Variants in GRID2 observed in about 807,000 individuals in gnomAD.
The protein encoded by GRID2 is glutamate ionotropic receptor delta type subunit 2.
In GRID2, 33 loss-of-function variants were observed where a neutral mutation model predicts 114.8. That is an observed-to-expected ratio of 0.29 (90% CI 0.22 to 0.38). The LOEUF (loss-of-function observed/expected upper bound fraction) is 0.38, where lower values mean the gene tolerates loss of function less well. GRID2 is among the 10% of genes least tolerant of loss of function. The pLI is 1.00. For synonymous variants in GRID2, 505 were observed against 449.9 expected (o/e 1.12, Z -1.55); for missense variants, 1,184 against 1,257.7 (o/e 0.94, Z 0.89).
intron 7 of GRID2, among the ~76,000 whole-genome samples, chr4:93,233,160 G>C (rs1169324643): frequency 6.6e-6 from 1 of 151,950 alleles, no homozygotes; most frequent in African/African-American, 2.4e-5. Flanking sequence ...GTAGGAAAGA[G>C]AGCTTAACAC....
chr4:92,625,213 TAA>T, intron 2 of GRID2, among the ~76,000 whole-genome samples: 1 of 151,960 alleles, frequency 6.6e-6, no homozygotes, highest in African/African-American at 2.4e-5. Context: ...TTCTTTAATT[TAA>T]AAGTTTTTCA....
intron 2 of GRID2, among the ~76,000 whole-genome samples, chr4:92,854,447 A>G (rs914051702): frequency 2.0e-5 from 3 of 152,026 alleles, no homozygotes; most frequent in Admixed American, 1.3e-4. Flanking sequence ...TGAGGAACAT[A>G]GAGTGATATT....
chr4:92,929,083 A>G (rs1750038189), intron 2 of GRID2, among the ~76,000 whole-genome samples: 1 of 151,412 alleles, frequency 6.6e-6, no homozygotes, highest in Non-Finnish European at 1.5e-5. Flanking sequence ...TTTTATGTTT[A>G]TTTCATTTTC....
intron 2 of GRID2, among the ~76,000 whole-genome samples, chr4:92,883,386 T>A (rs1395433062): frequency 3.3e-5 from 5 of 152,198 alleles, no homozygotes; most frequent in Admixed American, 3.3e-4. Context: ...AAGTCATCCA[T>A]GAGGGTTGGA....
intron 1 of GRID2, among the ~76,000 whole-genome samples, chr4:92,530,819 A>G (rs2149150431): frequency 6.6e-6 from 1 of 151,802 alleles, no homozygotes; most frequent in South Asian, 2.1e-4. Flanking sequence ...AGGCAGAAGA[A>G]TCACTTGAAC....
rs199611126 is a variant in GRID2, at chr4:93,129,351, TTTTG to T, written c.735+18418_735+18421del. ...TAGCTTAATGTTGAAATACTGTTTTTTTTGTTTGTTTGTTTGTTTGTTTTTGTTG... is the reference window on the plus strand; with the variant it reads ...TAGCTTAATGTTGAAATACTGTTTTTTTTGTTTGTTTGTTTGTTTTTGTTG... On this transcript the variant is annotated intron_variant, in intron 4 of 15. Coordinates refer to ENST00000282020, the MANE Select transcript of GRID2 (RefSeq NM_001510.4). Among the ~76,000 whole-genome samples, 45 of 152,258 alleles carry T rather than the reference TTTTG, an allele frequency of 3.0e-4. No individual in the cohort carries two copies. In the East Asian group the frequency reaches 3.1e-3, roughly 10 times the overall value.
At chr4:92,493,842 A>T (rs552072071) in intron 1 of GRID2, among the ~76,000 whole-genome samples, 1 of 152,284 alleles carries the variant, frequency 6.6e-6, no homozygotes, top group South Asian at 2.1e-4. Flanking sequence ...ATAACCATAT[A>T]AAGCAATCAG....
Position 93,772,510 on chromosome 4 carries a change from A to G in GRID2, c.*12A>G. 2 of 1,540,282 alleles carry G rather than the reference A, an allele frequency of 1.3e-6. No homozygotes were observed. Among genetic ancestry groups the G allele is most frequent in the Non-Finnish European group, 1.8e-6 (2 of 1,142,180 alleles). On this transcript the variant is annotated 3_prime_UTR_variant, in exon 16 of 16. Transcript: ENST00000282020. The stretch of plus-strand genomic sequence containing the variant: ...GCACCTCCATATGAGCATCAAACAA[A>G]TCTCTTCACTGTTTCTTTTTTAGGA...
chr4:93,314,999 A>G (rs1239214825), intron 8 of GRID2, among the ~76,000 whole-genome samples: 1 of 152,176 alleles, frequency 6.6e-6, no homozygotes, highest in Non-Finnish European at 1.5e-5. Flanking sequence ...TTTATAAAGA[A>G]AAGAGGTTTA....
chr4:92,953,385 A>T (rs1008781740), intron 2 of GRID2, among the ~76,000 whole-genome samples: 1 of 152,210 alleles, frequency 6.6e-6, no homozygotes, highest in African/African-American at 2.4e-5. Context: ...TCTTTAGATG[A>T]TAGTCTACTA....
chr4:93,469,312 G>T (rs1560652348), intron 11 of GRID2, among the ~76,000 whole-genome samples: 1 of 151,954 alleles, frequency 6.6e-6, no homozygotes. Flanking sequence ...TATTTGGAAA[G>T]AAATATACAT....
intron 2 of GRID2, among the ~76,000 whole-genome samples, chr4:92,603,961 A>C (rs370141183): frequency 6.6e-6 from 1 of 151,614 alleles, no homozygotes; most frequent in East Asian, 1.9e-4. Flanking sequence ...CGATCATTAG[A>C]GAAATGCAAA....
chr4:93,219,597 A>G (rs1383514746), intron 6 of GRID2, among the ~76,000 whole-genome samples: 3 of 152,216 alleles, frequency 2.0e-5, no homozygotes, highest in Non-Finnish European at 2.9e-5. Context: ...TAAAATTTAG[A>G]AAAAACAGAA....
At chr4:93,553,144 A>G (rs949137186) in intron 13 of GRID2, among the ~76,000 whole-genome samples, 1 of 152,178 alleles carries the variant, frequency 6.6e-6, no homozygotes, top group Non-Finnish European at 1.5e-5. Context: ...TAGGGTATAT[A>G]CCCAGTAATG....
At chr4:93,520,678 T>A (rs1444022173) in intron 13 of GRID2, among the ~76,000 whole-genome samples, 1 of 152,088 alleles carries the variant, frequency 6.6e-6, no homozygotes, top group East Asian at 1.9e-4. Context: ...AAAAGGCTGA[T>A]GCTTGGGCCC....
At chr4:92,921,435 G>C (rs1017712160) in intron 2 of GRID2, among the ~76,000 whole-genome samples, 3 of 152,018 alleles carry the variant, frequency 2.0e-5, no homozygotes, top group Non-Finnish European at 2.9e-5. Flanking sequence ...CTGATTTTTA[G>C]AGTTTCCAGT....
intron 2 of GRID2, among the ~76,000 whole-genome samples, chr4:92,756,715 T>C (rs1737736304): frequency 6.6e-6 from 1 of 152,144 alleles, no homozygotes; most frequent in African/African-American, 2.4e-5. Flanking sequence ...CTCTTACTGA[T>C]GTTGAACATT....
At chr4:93,444,784 TA>T in intron 10 of GRID2, among the ~76,000 whole-genome samples, 1 of 152,160 alleles carries the variant, frequency 6.6e-6, no homozygotes, top group East Asian at 1.9e-4. Flanking sequence ...TGTATTTCTC[TA>T]AGATTACATT....
At chr4:92,358,389 T>A (rs1728448829) in intron 1 of GRID2, among the ~76,000 whole-genome samples, 1 of 151,902 alleles carries the variant, frequency 6.6e-6, no homozygotes, top group Non-Finnish European at 1.5e-5. Flanking sequence ...TAATAAAAGC[T>A]TAGCTATATG....
Sources: allele counts gnomAD v4.1 joint callset (sites outside exome capture counted in the v4.1 genomes callset), GRCh38; gene constraint gnomAD v4.1.1; transcripts MANE v1.5; gene names NCBI Gene and HGNC (gene_info 2026-07-23, HGNC 2026-07-21).